PDCD6IP: variants seen among roughly 807,000 people sequenced by gnomAD.
PDCD6IP encodes programmed cell death 6 interacting protein.
PDCD6IP carries 43 observed loss-of-function variants against 103.7 expected under a neutral mutation model. The observed-to-expected ratio is 0.41, with a 90% CI of 0.32 to 0.53. The LOEUF is 0.53. PDCD6IP is among the 20% of genes least tolerant of loss of function. The pLI is 0.16. For missense variants in PDCD6IP, 871 were observed against 1,036.7 expected, an observed-to-expected ratio of 0.84 and a Z score of 2.20; for synonymous variants, 354 against 378.7, an observed-to-expected ratio of 0.93 and a Z score of 0.76.
rs777982205 is a variant in PDCD6IP, at chr3:33,852,556, G to A, written c.1710G>A (p.Glu570=). 1.3e-6 allele frequency: 2 copies of A among 1,575,196 alleles called. No individual in the cohort carries two copies. Among genetic ancestry groups the A allele is most frequent in the Non-Finnish European group, 1.7e-6 (2 of 1,167,134 alleles). ...DEVKKEREGL[E]NDLKSVNFDM... ...TAAAGAAGGAAAGAGAGGGTCTGGA[G>A]AATGACTTGAAATCTGTGAATTTTG... The change falls in exon 13 of 18, where the codon GAG becomes GAA. Residue 570 remains glutamate (E), a synonymous_variant. Coordinates refer to ENST00000307296, the MANE Select transcript of PDCD6IP (RefSeq NM_013374.6).
intron 15 of PDCD6IP, 137 bp from the exon 16 acceptor site, chr3:33,863,869 T>G (rs1386614854): frequency 1.5e-6 from 1 of 649,578 alleles, no homozygotes; most frequent in Non-Finnish European, 2.7e-6. Flanking sequence ...TAATTTGAAA[T>G]GTAGTATATT....
At chr3:33,862,631 TATAAA>T (rs1212213198) in intron 15 of PDCD6IP, among the ~76,000 whole-genome samples, 1 of 152,252 alleles carries the variant, frequency 6.6e-6, no homozygotes, top group Non-Finnish European at 1.5e-5. Context: ...TATCTTTTAA[TATAAA>T]ATATTTCAAC....
intron 1 of PDCD6IP, among the ~76,000 whole-genome samples, chr3:33,809,771 G>T (rs1400339500): frequency 2.0e-5 from 3 of 152,154 alleles, no homozygotes; most frequent in African/African-American, 7.2e-5. Flanking sequence ...ATCTGGACCA[G>T]TTCTTCAGTT....
rs374585345 is a variant in PDCD6IP, at chr3:33,819,326, G to A, written c.335-2629G>A. ...TAAAAAATCCTTTTCTTTTATGGAT[G>A]TACTGTCTTTGAATCTCTTTAAGGA... On this transcript the variant is annotated intron_variant, in intron 3 of 17. Transcript: ENST00000307296. Among the ~76,000 whole-genome samples, 6 of 152,062 alleles carry A rather than the reference G, an allele frequency of 3.9e-5. No individual in the cohort carries two copies. The East Asian group carries it at 7.7e-4, about 19-fold the overall frequency.
intron 1 of PDCD6IP, among the ~76,000 whole-genome samples, chr3:33,808,228 C>A (rs971737398): frequency 6.6e-6 from 1 of 152,058 alleles, no homozygotes; most frequent in African/African-American, 2.4e-5. Flanking sequence ...GTTCAGGGAC[C>A]TGAGAGATTA....
At chr3:33,829,286 CAT>C (rs1697195203) in intron 7 of PDCD6IP, among the ~76,000 whole-genome samples, 2 of 152,028 alleles carry the variant, frequency 1.3e-5, no homozygotes, top group Admixed American at 1.3e-4. Context: ...TTTGAGGTCT[CAT>C]ATTTTATCTG....
At chr3:33,827,123 C>T in intron 6 of PDCD6IP, 1 of 985,350 alleles carries the variant, frequency 1.0e-6, no homozygotes. Context: ...TCTTAAACCA[C>T]ATATCACAGG....
chr3:33,822,144 A>AT (rs1350423103), intron 4 of PDCD6IP, 62 bp downstream of exon 4: 16 of 1,546,174 alleles, frequency 1.0e-5, no homozygotes, highest in Non-Finnish European at 1.4e-5. Context: ...GTGGAAAATA[A>AT]TTTGCATTTA....
At chr3:33,847,685 G>A (rs1697624518) in intron 12 of PDCD6IP, among the ~76,000 whole-genome samples, 1 of 152,142 alleles carries the variant, frequency 6.6e-6, no homozygotes, top group Non-Finnish European at 1.5e-5. Context: ...CTTATTTTCA[G>A]TCTCTTTGGA....
rs767583740 is a variant in PDCD6IP, at chr3:33,842,093, G to A, written c.1359+19G>A. ...AGATGAGGTATGTTTTATAAGATTT[G>A]CTTTTCAAGTATAAACACTGTGATC... On this transcript the variant is annotated intron_variant, in intron 10 of 17. Coordinates refer to ENST00000307296, the MANE Select transcript of PDCD6IP (RefSeq NM_013374.6). The A allele has an allele frequency of 3.9e-6, 6 of 1,536,614 alleles. No homozygotes were observed. Among genetic ancestry groups the A allele is most frequent in the Non-Finnish European group, 5.3e-6 (6 of 1,122,656 alleles).
chr3:33,810,162 A>G (rs11710383), intron 1 of PDCD6IP, among the ~76,000 whole-genome samples: 1 of 152,216 alleles, frequency 6.6e-6, no homozygotes, highest in African/African-American at 2.4e-5. Context: ...ATTAGATATT[A>G]TACTCTGAAA....
chr3:33,854,934 A>G, intron 14 of PDCD6IP: 1 of 263,282 alleles, frequency 3.8e-6, no homozygotes, highest in Non-Finnish European at 7.1e-6. Flanking sequence ...AACTTGTTAC[A>G]TTTTTTATGA....
At chr3:33,820,060 G>A (rs571010193) in intron 3 of PDCD6IP, among the ~76,000 whole-genome samples, 6 of 152,242 alleles carry the variant, frequency 3.9e-5, no homozygotes, top group South Asian at 2.1e-4. Flanking sequence ...GAGGTGGGAG[G>A]ATTGCTTGAA....
chr3:33,832,537 A>C (rs1697265360), intron 7 of PDCD6IP, among the ~76,000 whole-genome samples: 1 of 152,206 alleles, frequency 6.6e-6, no homozygotes, highest in Non-Finnish European at 1.5e-5. Flanking sequence ...GTGTGGTGCT[A>C]GATATGGATC....
chr3:33,827,425 G>A (rs1045057860), intron 6 of PDCD6IP, among the ~76,000 whole-genome samples: 1 of 152,118 alleles, frequency 6.6e-6, no homozygotes, highest in Non-Finnish European at 1.5e-5. Flanking sequence ...ACTTGGGGGT[G>A]AAGTAAAAAT....
intron 7 of PDCD6IP, among the ~76,000 whole-genome samples, chr3:33,833,153 A>G (rs186012240): frequency 1.3e-5 from 2 of 152,262 alleles, no homozygotes; most frequent in Non-Finnish European, 2.9e-5. Flanking sequence ...ATTAAAAAAC[A>G]AAAATTTAAA....
intron 3 of PDCD6IP, among the ~76,000 whole-genome samples, chr3:33,818,922 C>T (rs1156967907): frequency 1.3e-5 from 2 of 152,096 alleles, no homozygotes; most frequent in African/African-American, 2.4e-5. Context: ...ACAGTCTTCT[C>T]TTTATCTTTC....
Position 33,836,378 on chromosome 3 carries a change from CA to C in PDCD6IP, c.1057+113del. The C allele has an allele frequency of 4.7e-6, 3 of 642,172 alleles. No individual in the cohort carries two copies. In the East Asian group the frequency reaches 8.1e-5, roughly 17 times the overall value. 39.8% of individuals were successfully genotyped at this position (642,172 alleles called of 1,614,324 possible). A position where few individuals can be genotyped will look rare whatever the true frequency, so the allele number is the denominator to read the frequency against. On this transcript the variant is annotated intron_variant, in intron 8 of 17. Transcript: ENST00000307296. ...GTATGCTTTGAATATAATTTGTATT[CA>C]TGTTGTTTAAAATGAATATGAGAAT...
At chr3:33,845,640 C>G in intron 12 of PDCD6IP, 52 bp downstream of exon 12, 1 of 1,402,486 alleles carries the variant, frequency 7.1e-7, no homozygotes, top group African/African-American at 1.4e-5. Flanking sequence ...AAACCACATT[C>G]AAGCCATTTT....
Sources: allele counts gnomAD v4.1 joint callset (sites outside exome capture counted in the v4.1 genomes callset), GRCh38; gene constraint gnomAD v4.1.1; transcripts MANE v1.5; gene names NCBI Gene and HGNC (gene_info 2026-07-23, HGNC 2026-07-21).